KCNH5: variants seen among roughly 807,000 people sequenced by gnomAD.
The protein encoded by KCNH5 is potassium voltage-gated channel subfamily H member 5.
KCNH5 carries 46 observed loss-of-function variants against 96.1 expected under a neutral mutation model. The ratio of observed to expected loss-of-function variants is 0.48; its 90% CI spans 0.38 to 0.61. The LOEUF is 0.61. KCNH5 is among the 20% of genes least tolerant of loss of function. KCNH5 has a pLI of 0.00. For missense variants in KCNH5, 907 were observed against 1,225.8 expected (o/e 0.74, Z 3.88); for synonymous variants, 439 against 449.8 (o/e 0.98, Z 0.30).
At chr14:63,034,778 G>A (rs1011483824) in intron 1 of KCNH5, among the ~76,000 whole-genome samples, 10 of 152,122 alleles carry the variant, frequency 6.6e-5, no homozygotes, top group African/African-American at 2.4e-4. Context: ...CAAAATGCAT[G>A]AGATACTTTA....
chr14:62,896,200 A>G (rs78434230), intron 7 of KCNH5, among the ~76,000 whole-genome samples: 3,191 of 152,292 alleles, frequency 0.021, 57 homozygotes, highest in East Asian at 0.082. Flanking sequence ...CTCCAAGCAA[A>G]TCCTTCTTTC....
intron 7 of KCNH5, among the ~76,000 whole-genome samples, chr14:62,852,300 A>G (rs1887822564): frequency 6.6e-6 from 1 of 152,168 alleles, no homozygotes. Flanking sequence ...TGTACCCATT[A>G]ACCAACTGCT....
chr14:62,788,407 G>A (rs1023235669), intron 9 of KCNH5, among the ~76,000 whole-genome samples: 1 of 152,170 alleles, frequency 6.6e-6, no homozygotes, highest in Non-Finnish European at 1.5e-5. Flanking sequence ...TCTTGAGACA[G>A]AATCTACTCT....
intron 9 of KCNH5, among the ~76,000 whole-genome samples, chr14:62,799,573 C>CAAAA (rs5809173): frequency 1.9e-5 from 1 of 52,630 alleles, no homozygotes; most frequent in Non-Finnish European, 3.4e-5. Context: ...AACTCCGTCT[C>CAAAA]AAAAAAAAAA....
chr14:62,937,384 A>C (rs1454377164), intron 7 of KCNH5, among the ~76,000 whole-genome samples: 1 of 152,150 alleles, frequency 6.6e-6, no homozygotes, highest in Non-Finnish European at 1.5e-5. Context: ...AGACAAATCA[A>C]GTCAATCTGG....
chr14:62,722,366 A>T (rs1246200594), intron 10 of KCNH5, among the ~76,000 whole-genome samples: 2 of 152,184 alleles, frequency 1.3e-5, no homozygotes, highest in Non-Finnish European at 2.9e-5. Flanking sequence ...TGTCTCAGTT[A>T]ATTTTCATAA....
chr14:62,705,895 C>T lies in KCNH5; in HGVS notation c.*1613G>A, dbSNP rs1253317186. ...GTTAACATATATGTACAGATGGTCCCGTAATATATAAATTACTCACACATT... is the reference window on the plus strand; with the variant it reads ...GTTAACATATATGTACAGATGGTCCTGTAATATATAAATTACTCACACATT... On this transcript the variant is annotated 3_prime_UTR_variant, in exon 11 of 11. Coordinates refer to ENST00000322893, the MANE Select transcript of KCNH5 (RefSeq NM_139318.5). 1.3e-5 allele frequency: 2 copies of T among 151,952 alleles called. No homozygotes were observed. The highest frequency in any genetic ancestry group is 2.9e-5 in the Non-Finnish European group (2 of 67,906). The allele number at this position is 151,952 out of a possible 1,614,324, so 9.4% of individuals were successfully genotyped here. A position where few individuals can be genotyped will look rare whatever the true frequency, so the allele number is the denominator to read the frequency against.
At chr14:63,044,677 A>G (rs966937960) in intron 1 of KCNH5, among the ~76,000 whole-genome samples, 9 of 152,216 alleles carry the variant, frequency 5.9e-5, no homozygotes, top group African/African-American at 2.2e-4. Context: ...AATCTTGTTA[A>G]GTAGCCACTT....
intron 7 of KCNH5, among the ~76,000 whole-genome samples, chr14:62,884,182 A>G (rs1031048488): frequency 6.6e-6 from 1 of 152,242 alleles, no homozygotes; most frequent in African/African-American, 2.4e-5. Context: ...AAAAAATTCT[A>G]TTTAACCCAC....
chr14:62,970,396 T>A (rs749163088), intron 6 of KCNH5, among the ~76,000 whole-genome samples: 2 of 152,128 alleles, frequency 1.3e-5, no homozygotes, highest in Non-Finnish European at 2.9e-5. Context: ...ACAAGTGAAA[T>A]TTATCAAACA....
intron 2 of KCNH5, among the ~76,000 whole-genome samples, chr14:63,013,111 G>C (rs1323592670): frequency 6.6e-6 from 1 of 151,820 alleles, no homozygotes; most frequent in Non-Finnish European, 1.5e-5. Flanking sequence ...CAATGTGGGA[G>C]GGGTTGAGAA....
chr14:62,965,765 C>A (rs1890293489), intron 6 of KCNH5, among the ~76,000 whole-genome samples: 1 of 152,096 alleles, frequency 6.6e-6, no homozygotes, highest in Non-Finnish European at 1.5e-5. Flanking sequence ...ACCATATGTA[C>A]TGGCAGGCTT....
chr14:62,922,872 T>C (rs1454531263), intron 7 of KCNH5, among the ~76,000 whole-genome samples: 1 of 151,924 alleles, frequency 6.6e-6, no homozygotes, highest in Non-Finnish European at 1.5e-5. Flanking sequence ...GCCTTTTCCG[T>C]AAGATCAGAA....
chr14:62,957,624 T>C (rs779819827), intron 6 of KCNH5, among the ~76,000 whole-genome samples: 40 of 152,312 alleles, frequency 2.6e-4, no homozygotes, highest in East Asian at 1.9e-4. Context: ...GCCAACAGAA[T>C]GTGATATAAA....
At chr14:62,909,030 GTATTTTTTTT>G (rs869156298) in intron 7 of KCNH5, among the ~76,000 whole-genome samples, 1,958 of 100,534 alleles carry the variant, frequency 0.019, 47 homozygotes, top group Middle Eastern at 0.057. Flanking sequence ...ACTATGCTAC[GTATTTTTTTT>G]TTTTTTTTTT....
At chr14:62,879,129 A>G (rs574535133) in intron 7 of KCNH5, among the ~76,000 whole-genome samples, 21 of 152,160 alleles carry the variant, frequency 1.4e-4, no homozygotes, top group Admixed American at 6.5e-5. Flanking sequence ...ATCATTAGTA[A>G]TCAGTTTAAT....
At chr14:62,772,334 A>T (rs187687330) in intron 10 of KCNH5, among the ~76,000 whole-genome samples, 75 of 152,236 alleles carry the variant, frequency 4.9e-4, no homozygotes, top group Non-Finnish European at 8.2e-4. Context: ...AAATAACTTA[A>T]GATACAAAAG....
At chr14:62,790,456 T>G (rs1886409815) in intron 9 of KCNH5, among the ~76,000 whole-genome samples, 1 of 151,906 alleles carries the variant, frequency 6.6e-6, no homozygotes, top group Non-Finnish European at 1.5e-5. Context: ...GGAATTTTGA[T>G]AGCAATTGCT....
At chr14:62,962,997 A>T (rs1054146097) in intron 6 of KCNH5, among the ~76,000 whole-genome samples, 8 of 152,088 alleles carry the variant, frequency 5.3e-5, no homozygotes, top group African/African-American at 1.9e-4. Context: ...ATTTTCTGAT[A>T]TATTATCAGA....
Sources: allele counts gnomAD v4.1 joint callset (sites outside exome capture counted in the v4.1 genomes callset), GRCh38; gene constraint gnomAD v4.1.1; transcripts MANE v1.5; gene names NCBI Gene and HGNC (gene_info 2026-07-23, HGNC 2026-07-21).